The following CSF2RA variants were observed in gnomAD, a reference collection of about 807,000 sequenced individuals.
CSF2RA encodes colony stimulating factor 2 receptor subunit alpha.
Under a neutral mutation model 51.6 loss-of-function variants are expected in CSF2RA, and 42 were observed. That is an observed-to-expected ratio of 0.81 (90% CI 0.64 to 1.05). The LOEUF is 1.05. CSF2RA is among the 50% of genes least tolerant of loss of function. The pLI, the probability that CSF2RA is intolerant of heterozygous loss-of-function variation, is 0.00. For missense variants in CSF2RA, 530 were observed against 501.1 expected (o/e 1.06, Z -0.55); for synonymous variants, 222 against 193.0 (o/e 1.15, Z -1.24).
intron 10 of CSF2RA, among the ~76,000 whole-genome samples, chrX:1,301,722 CA>C (rs1387357565): frequency 6.7e-6 from 1 of 150,114 alleles, no homozygotes; most frequent in Non-Finnish European, 1.5e-5. Context: ...TCAGCCTCCC[CA>C]GTAGCTGGGA....
At chrX:1,290,130 T>G (rs2091254734) in intron 6 of CSF2RA, among the ~76,000 whole-genome samples, 1 of 149,248 alleles carries the variant, frequency 6.7e-6, no homozygotes, top group African/African-American at 2.4e-5. Flanking sequence ...TGTTTTTATG[T>G]TTTGTTTTGT....
chrX:1,269,262 G>A (rs1389759652), intron 1 of CSF2RA, among the ~76,000 whole-genome samples: 20 of 152,174 alleles, frequency 1.3e-4, no homozygotes, highest in African/African-American at 4.6e-4. Flanking sequence ...GCGTTGGGGT[G>A]TAGTATCTAG....
the CSF2RA span, among the ~76,000 whole-genome samples, chrX:1,318,410 A>G: frequency 4.6e-5 from 7 of 150,978 alleles, no homozygotes; most frequent in East Asian, 8.0e-4. Context: ...TGATCCGCCC[A>G]CCTCGGCCTC....
chrX:1,316,118 T>C, the CSF2RA span, among the ~76,000 whole-genome samples: 1 of 142,004 alleles, frequency 7.0e-6, no homozygotes, highest in Non-Finnish European at 1.6e-5. Context: ...GATACATAGA[T>C]ACATAGACAG....
At chrX:1,301,111 C>T (rs1457935889) in intron 10 of CSF2RA, among the ~76,000 whole-genome samples, 3 of 151,212 alleles carry the variant, frequency 2.0e-5, no homozygotes, top group Non-Finnish European at 4.4e-5. Context: ...TGGGATCACG[C>T]CATTGCACTC....
chrX:1,314,552 GCA>G (rs2084413152), downstream of CSF2RA, among the ~76,000 whole-genome samples: 1 of 97,740 alleles, frequency 1.0e-5, no homozygotes, highest in African/African-American at 4.1e-5. Context: ...CAATCCCACT[GCA>G]CCTGCCCAAT....
intron 9 of CSF2RA, among the ~76,000 whole-genome samples, chrX:1,299,358 T>C (rs1427226389): frequency 1.3e-5 from 2 of 152,214 alleles, no homozygotes; most frequent in African/African-American, 4.8e-5. Context: ...GGGATCTTAA[T>C]ATCCCTTGCT....
intron 2 of CSF2RA, among the ~76,000 whole-genome samples, chrX:1,281,009 T>TCCTCCTCCTCCTC (rs2089928403): frequency 1.8e-5 from 1 of 55,370 alleles, no homozygotes; most frequent in African/African-American, 6.4e-5. Context: ...TCCTCCTCCT[T>TCCTCCTCCTCCTC]CTCCTCCTCC....
intron 7 of CSF2RA, among the ~76,000 whole-genome samples, chrX:1,291,891 C>T (rs1243009735): frequency 7.0e-6 from 1 of 143,102 alleles, no homozygotes; most frequent in Non-Finnish European, 1.6e-5. Flanking sequence ...ACTCCACGTC[C>T]ACCTGGACCC....
intron 1 of CSF2RA, among the ~76,000 whole-genome samples, chrX:1,271,617 A>T (rs1275781565): frequency 6.6e-6 from 1 of 151,920 alleles, no homozygotes; most frequent in Non-Finnish European, 1.5e-5. Flanking sequence ...CCCGGGTTCA[A>T]GTGATTCTCC....
At chrX:1,314,995 G>A (rs1177258879), downstream of CSF2RA, among the ~76,000 whole-genome samples, 1 of 126,916 alleles carries the variant, frequency 7.9e-6, no homozygotes, top group African/African-American at 2.8e-5. Context: ...CACTGCACCT[G>A]CCCAACCCCA....
chrX:1,288,901 C>G lies in CSF2RA; in HGVS notation c.473+13C>G. ...TACGAAACTCAAAGTAAGTGTTCAC[C>G]TCATGTGAAGAATTATGAGGAATGC... On this transcript the variant is annotated intron_variant, in intron 6 of 12. Transcript: ENST00000381529. 1 of 1,574,592 alleles carries G rather than the reference C, an allele frequency of 6.4e-7. No individual in the cohort carries two copies. The highest frequency in any genetic ancestry group is 8.6e-7 in the Non-Finnish European group (1 of 1,156,450).
At chrX:1,305,833 C>T in intron 12 of CSF2RA, 1 of 1,520,032 alleles carries the variant, frequency 6.6e-7, no homozygotes, top group Non-Finnish European at 8.9e-7. Flanking sequence ...GTCATCCCAG[C>T]ACTTTGGGAG....
At chrX:1,317,291 G>A in the CSF2RA span, among the ~76,000 whole-genome samples, 23,178 of 100,486 alleles carry the variant, frequency 0.23, 3,473 homozygotes, top group East Asian at 0.69. Flanking sequence ...TGTTCTTGTC[G>A]CCCAGGCTGG....
chrX:1,301,912 C>CTTTT (rs1158872719), intron 10 of CSF2RA, among the ~76,000 whole-genome samples: 4 of 103,640 alleles, frequency 3.9e-5, no homozygotes, highest in African/African-American at 3.9e-5. Context: ...GGCCCTCCCT[C>CTTTT]TTTTTTTTTT....
chrX:1,324,752 G>A, the CSF2RA span, among the ~76,000 whole-genome samples: 3 of 152,084 alleles, frequency 2.0e-5, no homozygotes, highest in South Asian at 4.1e-4. Context: ...TGTCTGAGTC[G>A]GGACCACGCA....
chrX:1,300,526 C>T lies in CSF2RA; in HGVS notation c.846C>T (p.Asn282=). 1 of 1,613,936 alleles carries T rather than the reference C, an allele frequency of 6.2e-7. No individual in the cohort carries two copies. Among genetic ancestry groups the T allele is most frequent in the Non-Finnish European group, 8.5e-7 (1 of 1,179,840 alleles). ...NVSGDLENRY[N]FPSSEPRAKH... The stretch of plus-strand genomic sequence containing the variant: ...CTGGTGATTTGGAAAATAGATACAA[C>T]TTTCCAAGCTCTGAGCCCAGAGCAA... The change falls in exon 10 of 13, where the codon AAC becomes AAT. Residue 282 remains asparagine, a synonymous_variant. Coordinates refer to ENST00000381529, the MANE Select transcript of CSF2RA (RefSeq NM_172245.4).
chrX:1,318,311 A>G, the CSF2RA span, among the ~76,000 whole-genome samples: 4 of 151,252 alleles, frequency 2.6e-5, no homozygotes, highest in Admixed American at 6.6e-5. Context: ...TTACAGGCAT[A>G]CGCCACCACA....
At chrX:1,295,052 C>CAACCA (rs2091805096) in intron 8 of CSF2RA, among the ~76,000 whole-genome samples, 1 of 42,038 alleles carries the variant, frequency 2.4e-5, no homozygotes. Flanking sequence ...CAAGAAGAGA[C>CAACCA]CCTGCCCCAT....
Sources: gnomAD v4.1 joint callset for allele counts (sites outside exome capture counted in the v4.1 genomes callset) on GRCh38, gnomAD v4.1.1 for gene constraint, MANE v1.5 for transcripts, NCBI Gene and HGNC (gene_info 2026-07-23, HGNC 2026-07-21) for gene names.